The following GBP6 variants were observed in gnomAD, a reference collection of about 807,000 sequenced individuals.
The protein encoded by GBP6 is guanylate binding protein family member 6, also known as guanylate-binding protein 6.
Under a neutral mutation model 61.5 loss-of-function variants are expected in GBP6, and 54 were observed. The observed-to-expected ratio is 0.88, with a 90% CI of 0.71 to 1.10. The LOEUF (loss-of-function observed/expected upper bound fraction) is 1.10. Among genes scored for constraint, GBP6 ranks in the 50% least tolerant of loss-of-function variants. GBP6 has a pLI of 0.00. For missense variants in GBP6, 748 were observed against 752.8 expected (o/e 0.99, Z 0.07); for synonymous variants, 255 against 273.7 (o/e 0.93, Z 0.67).
chr1:89,382,556 T>A (rs1451800957), intron 7 of GBP6, 108 bp from the exon 8 acceptor site: 7 of 805,990 alleles, frequency 8.7e-6, no homozygotes, highest in Non-Finnish European at 1.5e-5. Flanking sequence ...TCCACTAGAA[T>A]GTTTTTCTCA....
Position 89,369,664 on chromosome 1 carries a change from T to C in GBP6, c.309T>C (p.Asp103=). 6.2e-7 allele frequency: 1 copy of C among 1,613,774 alleles called. No homozygotes were observed. Among genetic ancestry groups the C allele is most frequent in the Non-Finnish European group, 8.5e-7 (1 of 1,179,804 alleles). The change falls in exon 3 of 11, where the codon GAT becomes GAC. Residue 103 remains aspartate, a synonymous_variant. Transcript: ENST00000370456. ...LVLLDTEGLG[D]VEKGDPKNDS... Reference sequence around the variant, plus strand: ...TTCTGGACACCGAAGGTCTGGGCGATGTGGAAAAGGTAAGACAGAGAGTCA... The same window carrying C: ...TTCTGGACACCGAAGGTCTGGGCGACGTGGAAAAGGTAAGACAGAGAGTCA...
At chr1:89,368,869 A>G in intron 2 of GBP6, 128 bp downstream of exon 2, 2 of 750,012 alleles carry the variant, frequency 2.7e-6, no homozygotes, top group Non-Finnish European at 4.2e-6. Flanking sequence ...TCTCATTCCA[A>G]TTCTTACCAC....
At chr1:89,378,032 GA>G in intron 3 of GBP6, 70 bp from the exon 4 acceptor site, 2 of 1,383,324 alleles carry the variant, frequency 1.4e-6, no homozygotes, top group East Asian at 4.6e-5. Flanking sequence ...GTGAAAGACT[GA>G]CAAAATAAAT....
At chr1:89,380,040 A>G (rs1652919870) in intron 5 of GBP6, among the ~76,000 whole-genome samples, 1 of 152,224 alleles carries the variant, frequency 6.6e-6, no homozygotes, top group Non-Finnish European at 1.5e-5. Context: ...AAAGAGGCTA[A>G]GGTGGAAGGA....
chr1:89,385,543 T>TG lies in GBP6; in HGVS notation c.*74_*75insG. On this transcript the variant is annotated 3_prime_UTR_variant, in exon 11 of 11. Coordinates refer to ENST00000370456, the MANE Select transcript of GBP6 (RefSeq NM_198460.3). Reference sequence around the variant, plus strand: ...TGTTTTTCATTTTCATTCAGCAAGTTTTTTTTTTTTTTCAGAGTCTTACTC... The same window carrying TG: ...TGTTTTTCATTTTCATTCAGCAAGTTGTTTTTTTTTTTTCAGAGTCTTACTC... 4 of 1,415,692 alleles carry TG rather than the reference T, an allele frequency of 2.8e-6. No homozygotes were observed. Among genetic ancestry groups the TG allele is most frequent in the Non-Finnish European group, 3.8e-6 (4 of 1,057,096 alleles). 87.7% of individuals were successfully genotyped at this position (1,415,692 alleles called of 1,614,324 possible). A position where few individuals can be genotyped will look rare whatever the true frequency, so the allele number is the denominator to read the frequency against.
chr1:89,381,597 C>T lies in GBP6; in HGVS notation c.872-97C>T, dbSNP rs115598812. 488 of 1,222,238 alleles carry T rather than the reference C, an allele frequency of 4.0e-4. 1 individual carries two copies. In the African/African-American group the frequency reaches 5.5e-3, roughly 14 times the overall value. 75.7% of individuals were successfully genotyped at this position (1,222,238 alleles called of 1,614,324 possible). A position where few individuals can be genotyped will look rare whatever the true frequency, so the allele number is the denominator to read the frequency against. On this transcript the variant is annotated intron_variant, in intron 6 of 10. Coordinates refer to ENST00000370456, the MANE Select transcript of GBP6 (RefSeq NM_198460.3). ...GTATGTGTTTGCATGTGTGCACGCG[C>T]GTGTATGTAAGTGCATGTGTGTGCT...
rs1652935932 is a variant in GBP6 at position 89,380,407 on chromosome 1, C to G, written c.647C>G (p.Thr216Arg). The change falls in exon 6 of 11, where the codon ACA becomes AGA. Residue 216 changes from threonine to arginine, a missense_variant. Physicochemically the swap from Thr to Arg is moderately conservative, Grantham distance 71. Transcript: ENST00000370456. ...LIQGNNPRVQTSNFPRECIRR... is the reference protein window; with the variant it reads ...LIQGNNPRVQRSNFPRECIRR... ...TCAGGCAATAATCCCAGAGTTCAAA[C>G]ATCCAATTTTCCCAGGGAGTGCATC... 1 of 1,613,408 alleles carries G rather than the reference C, an allele frequency of 6.2e-7. No individual in the cohort carries two copies. Among genetic ancestry groups the G allele is most frequent in the Non-Finnish European group, 8.5e-7 (1 of 1,179,540 alleles).
At position 89,381,818 on chromosome 1, in the gene GBP6, C is replaced by T. The variant is rs1382574945; in HGVS notation, c.996C>T (p.Asp332=). 1.4e-5 allele frequency: 23 copies of T among 1,614,044 alleles called. No homozygotes were observed. Among genetic ancestry groups the T allele is most frequent in the Non-Finnish European group, 1.9e-5 (22 of 1,179,964 alleles). ...ENSAAVQRAA[D]YYSQQMAQRV... Reference sequence around the variant, plus strand: ...CAGCGGCCGTGCAGAGGGCAGCTGACTACTACAGCCAGCAGATGGCCCAGC... The same window carrying T: ...CAGCGGCCGTGCAGAGGGCAGCTGATTACTACAGCCAGCAGATGGCCCAGC... Residue 332 remains aspartate, a synonymous_variant, in exon 7 of 11, where the codon GAC becomes GAT. Transcript: ENST00000370456.
chr1:89,380,514 G>T lies in GBP6; in HGVS notation c.754G>T (p.Val252Leu), dbSNP rs1379612946. ...DKDLLANIEK[V>L]SEKQLDPKFQ... The stretch of plus-strand genomic sequence containing the variant: ...AGACCTTCTAGCCAATATTGAGAAG[G>T]TGTCAGAAAAGCAACTGGATCCCAA... The change falls in exon 6 of 11, where the codon GTG (valine) becomes TTG (leucine). Residue 252 changes from valine (V) to leucine (L), a missense_variant. By Grantham distance (32) the Val-to-Leu change is conservative (BLOSUM62 1). Coordinates refer to ENST00000370456, the MANE Select transcript of GBP6 (RefSeq NM_198460.3). 3 of 1,613,946 alleles carry T rather than the reference G, an allele frequency of 1.9e-6. No homozygotes were observed. The highest frequency in any genetic ancestry group is 2.5e-6 in the Non-Finnish European group (3 of 1,180,012).
Position 89,378,555 on chromosome 1 carries a change from G to T in GBP6, c.567G>T (p.Leu189Phe), listed in dbSNP as rs1376628021. ...TVRDFTLELK[L>F]NGHPITEDEY... ...GGGATTTCACTCTGGAGCTGAAGTT[G>T]AACGGTCACCCTATCACAGAAGATG... Residue 189 changes from leucine to phenylalanine, a missense_variant, in exon 5 of 11, where the codon TTG becomes TTT. Transcript: ENST00000370456. 6.2e-7 allele frequency: 1 copy of T among 1,614,058 alleles called. No individual in the cohort carries two copies. The highest frequency in any genetic ancestry group is 2.2e-5 in the East Asian group (1 of 44,880).
At chr1:89,374,297 G>A (rs760474078) in intron 3 of GBP6, among the ~76,000 whole-genome samples, 2 of 152,014 alleles carry the variant, frequency 1.3e-5, no homozygotes, top group Non-Finnish European at 1.5e-5. Flanking sequence ...GGACATTCGG[G>A]TAGTTTCCAT....
Position 89,387,609 on chromosome 1 carries a change from C to A in GBP6, c.*2140C>A, listed in dbSNP as rs148066218. 6.6e-6 allele frequency among the ~76,000 whole-genome samples: 1 copy of A among 152,084 alleles called. No individual in the cohort carries two copies. The highest frequency in any genetic ancestry group is 2.4e-5 in the African/African-American group (1 of 41,410). ...AGTGGTAATAAGTTGTTTGAATTTT[C>A]GACACCAGATTAAGGTCTCTGAGGT... On this transcript the variant is annotated 3_prime_UTR_variant, in exon 11 of 11. Transcript: ENST00000370456.
intron 7 of GBP6, among the ~76,000 whole-genome samples, chr1:89,382,266 A>G (rs1047787440): frequency 6.6e-6 from 1 of 152,224 alleles, no homozygotes; most frequent in Non-Finnish European, 1.5e-5. Flanking sequence ...TTTTCTGTGC[A>G]TAGTTTACCT....
In GBP6 at chr1:89,385,421, T is replaced by A. The variant is rs1388961699; in HGVS notation, c.1854T>A (p.Gly618=). 6.2e-7 allele frequency: 1 copy of A among 1,614,196 alleles called. No homozygotes were observed. Among genetic ancestry groups the A allele is most frequent in the Non-Finnish European group, 8.5e-7 (1 of 1,179,994 alleles). Residue 618 remains glycine, a synonymous_variant, in exon 11 of 11, where the codon GGT becomes GGA. Coordinates refer to ENST00000370456, the MANE Select transcript of GBP6 (RefSeq NM_198460.3). The part of the protein sequence containing the change: ...LSAPAKLIGH[G]VKGVSSLFKK... ...CTCCTGCTAAATTAATTGGTCATGG[T>A]GTCAAAGGTGTGAGCTCACTCTTTA... is the stretch of plus-strand genomic sequence containing the variant.
At chr1:89,376,941 T>A (rs1325401223) in intron 3 of GBP6, among the ~76,000 whole-genome samples, 1 of 152,174 alleles carries the variant, frequency 6.6e-6, no homozygotes, top group East Asian at 1.9e-4. Context: ...TTATTGTTTG[T>A]CACGAGTCCC....
At chr1:89,381,662 T>C (rs1007769526) in intron 6 of GBP6, 32 bp from the exon 7 acceptor site, 1 of 1,568,308 alleles carries the variant, frequency 6.4e-7, no homozygotes, top group South Asian at 1.2e-5. Flanking sequence ...TTTAATTTCA[T>C]ATTTAGCCCC....
intron 2 of GBP6, 70 bp downstream of exon 2, chr1:89,368,811 C>A: frequency 7.0e-7 from 1 of 1,425,598 alleles, no homozygotes; most frequent in Non-Finnish European, 9.6e-7. Flanking sequence ...GATTCTCTAC[C>A]CCAGAGCACA....
intron 3 of GBP6, among the ~76,000 whole-genome samples, chr1:89,373,131 A>G (rs1015745331): frequency 1.3e-5 from 2 of 152,162 alleles, no homozygotes; most frequent in African/African-American, 4.8e-5. Flanking sequence ...TCTCACACCA[A>G]TTAGAATGGT....
chr1:89,369,472 G>T, intron 2 of GBP6, 74 bp from the exon 3 acceptor site: 1 of 1,547,726 alleles, frequency 6.5e-7, no homozygotes, highest in East Asian at 2.3e-5. Context: ...AATCCAACCA[G>T]TCTGATGCTG....
Sources: gnomAD v4.1 joint callset for allele counts (sites outside exome capture counted in the v4.1 genomes callset) on GRCh38, gnomAD v4.1.1 for gene constraint, MANE v1.5 for transcripts, NCBI Gene and HGNC (gene_info 2026-07-23, HGNC 2026-07-21) for gene names.